ABCC8: variants seen among roughly 807,000 people sequenced by gnomAD.
ABCC8 encodes ATP-binding cassette sub-family C member 8.
A neutral mutation model predicts 188.0 loss-of-function variants in ABCC8; 137 were observed. That is an observed-to-expected ratio of 0.73 (90% confidence interval 0.63 to 0.84). The LOEUF (loss-of-function observed/expected upper bound fraction) is 0.84. ABCC8 is among the 40% of genes least tolerant of loss of function. The pLI is 0.00. For missense variants in ABCC8, 1,750 were observed against 2,072.7 expected (o/e 0.84, Z 3.02); for synonymous variants, 797 against 846.5 (o/e 0.94, Z 1.01).
intron 29 of ABCC8, among the ~76,000 whole-genome samples, chr11:17,398,809 T>A (rs1954075316): frequency 6.6e-6 from 1 of 152,028 alleles, no homozygotes; most frequent in Non-Finnish European, 1.5e-5. Flanking sequence ...CTTGCCTCCC[T>A]CCCCCTCTAT....
intron 16 of ABCC8, among the ~76,000 whole-genome samples, chr11:17,426,800 G>C (rs1376837955): frequency 6.6e-6 from 1 of 152,218 alleles, no homozygotes; most frequent in East Asian, 1.9e-4. Flanking sequence ...ATTGAGAACA[G>C]TATGGACCTT....
At chr11:17,430,682 A>T in intron 12 of ABCC8, 132 bp downstream of exon 12, 2 of 1,099,148 alleles carry the variant, frequency 1.8e-6, no homozygotes, top group Non-Finnish European at 2.8e-6. Flanking sequence ...AACCAGGACC[A>T]GCTACAGCAA....
At chr11:17,465,432 G>A (rs1848091347) in intron 3 of ABCC8, 1 of 152,314 alleles carries the variant, frequency 6.6e-6, no homozygotes, top group South Asian at 2.1e-4. Context: ...GAGGCTCAGA[G>A]AGCTTGGATG....
intron 4 of ABCC8, 113 bp downstream of exon 4, chr11:17,463,325 A>T: frequency 1.1e-6 from 1 of 943,400 alleles, no homozygotes. Context: ...GGGTAAAACA[A>T]GCTGATCCCT....
intron 19 of ABCC8, 73 bp from the exon 20 acceptor site, chr11:17,413,551 A>G: frequency 6.2e-7 from 1 of 1,612,074 alleles, no homozygotes; most frequent in Non-Finnish European, 8.5e-7. Flanking sequence ...GCAGAGGGTC[A>G]TTAGTCTCTG....
chr11:17,439,799 G>A (rs910207761), intron 10 of ABCC8, among the ~76,000 whole-genome samples: 3 of 152,056 alleles, frequency 2.0e-5, no homozygotes, highest in African/African-American at 4.8e-5. Context: ...AGTCCTGGGC[G>A]GGCTCCTGCT....
chr11:17,396,811 G>T, intron 33 of ABCC8, 105 bp downstream of exon 33: 1 of 1,438,526 alleles, frequency 7.0e-7, no homozygotes, highest in Non-Finnish European at 9.5e-7. Context: ...GAGAGGCCTC[G>T]GCCCTGGAGG....
chr11:17,396,802 A>C lies in ABCC8; in HGVS notation c.4119+114T>G, dbSNP rs1953951750. 2.5e-5 allele frequency: 34 copies of C among 1,337,796 alleles called. No homozygotes were observed. The East Asian group carries it at 8.1e-4, about 32-fold the overall frequency. The allele number at this position is 1,337,796 out of a possible 1,614,324, so 82.9% of individuals were successfully genotyped here. A position where few individuals can be genotyped will look rare whatever the true frequency, so the allele number is the denominator to read the frequency against. On this transcript the variant is annotated intron_variant, in intron 33 of 38. Coordinates refer to ENST00000389817, the MANE Select transcript of ABCC8 (RefSeq NM_000352.6). Reference sequence around the variant, plus strand: ...AGGAGACTGCGATGTCTGAATAGTGAGAGGCCTCGGCCCTGGAGGGCCACG... The same window carrying C: ...AGGAGACTGCGATGTCTGAATAGTGCGAGGCCTCGGCCCTGGAGGGCCACG...
chr11:17,420,008 C>T (rs557321123), intron 16 of ABCC8, among the ~76,000 whole-genome samples: 1 of 152,270 alleles, frequency 6.6e-6, no homozygotes, highest in South Asian at 2.1e-4. Context: ...GCTTGGAGAA[C>T]TAGGAGGAAT....
chr11:17,400,482 T>C (rs572537396), intron 29 of ABCC8, among the ~76,000 whole-genome samples: 25 of 152,182 alleles, frequency 1.6e-4, no homozygotes, highest in African/African-American at 5.8e-4. Flanking sequence ...CTCGGAGCCA[T>C]GTAAACCCAG....
chr11:17,463,085 G>C (rs1186042141), intron 4 of ABCC8, among the ~76,000 whole-genome samples: 2 of 152,132 alleles, frequency 1.3e-5, no homozygotes, highest in Non-Finnish European at 2.9e-5. Flanking sequence ...ATTTACCAGC[G>C]TGACGATATG....
intron 26 of ABCC8, chr11:17,406,328 A>T (rs925478491): frequency 1.3e-5 from 6 of 457,462 alleles, no homozygotes; most frequent in Middle Eastern, 6.0e-4. Flanking sequence ...AATTACACCC[A>T]CTTAGGGAGG....
rs1954880638 is a variant in ABCC8, at chr11:17,412,834, T to A, written c.2476-88A>T. 35 of 1,550,432 alleles carry A rather than the reference T, an allele frequency of 2.3e-5. 1 individual carries two copies. The South Asian group carries it at 4.0e-4, about 18-fold the overall frequency. Reference sequence around the variant, plus strand: ...CTACTGGACTATGAGCTCTTTGGGATGGAGGCCTGGCTCTATCCACTTCTT... The same window carrying A: ...CTACTGGACTATGAGCTCTTTGGGAAGGAGGCCTGGCTCTATCCACTTCTT... On this transcript the variant is annotated intron_variant, in intron 20 of 38. Transcript: ENST00000389817.
intron 17 of ABCC8, among the ~76,000 whole-genome samples, chr11:17,415,702 T>A (rs1201867502): frequency 6.6e-6 from 1 of 152,178 alleles, no homozygotes; most frequent in East Asian, 1.9e-4. Context: ...ATGAATAGGC[T>A]GAGGTCTGAG....
chr11:17,443,963 C>T (rs752451459), intron 8 of ABCC8, among the ~76,000 whole-genome samples: 4 of 152,176 alleles, frequency 2.6e-5, no homozygotes, highest in Admixed American at 6.5e-5. Flanking sequence ...CAAAGGCAGA[C>T]ACCTCTAAAT....
chr11:17,413,630 G>C (rs957194173), intron 19 of ABCC8, 152 bp from the exon 20 acceptor site: 17 of 1,497,290 alleles, frequency 1.1e-5, no homozygotes, highest in Non-Finnish European at 1.8e-6. Context: ...AACACCGTGT[G>C]AGCTTGAAAA....
intron 3 of ABCC8, among the ~76,000 whole-genome samples, chr11:17,466,148 C>G (rs1022908292): frequency 1.3e-5 from 2 of 152,094 alleles, no homozygotes; most frequent in Non-Finnish European, 2.9e-5. Context: ...CGCCTGTAAT[C>G]CGAGCACTTT....
At chr11:17,428,734 C>T (rs1955713618) in intron 12 of ABCC8, 64 bp from the exon 13 acceptor site, 24 of 1,598,376 alleles carry the variant, frequency 1.5e-5, no homozygotes, top group Non-Finnish European at 2.0e-5. Context: ...GGAGAGGGCG[C>T]AGCCTGATAG....
intron 2 of ABCC8, among the ~76,000 whole-genome samples, chr11:17,473,382 C>T (rs1041143259): frequency 6.6e-6 from 1 of 152,034 alleles, no homozygotes; most frequent in African/African-American, 2.4e-5. Context: ...CCAAGTCAAG[C>T]AGGTATTTTA....
Sources: allele counts gnomAD v4.1 joint callset (sites outside exome capture counted in the v4.1 genomes callset), GRCh38; gene constraint gnomAD v4.1.1; transcripts MANE v1.5; gene names NCBI Gene and HGNC (gene_info 2026-07-23, HGNC 2026-07-21).